The following FRMD4B variants were observed in gnomAD, a reference collection of about 807,000 sequenced individuals.
The protein encoded by FRMD4B is FERM domain-containing protein 4B.
In FRMD4B, 74 loss-of-function variants were observed where a neutral mutation model predicts 141.5. The ratio of observed to expected loss-of-function variants is 0.52; its 90% CI spans 0.43 to 0.63. The LOEUF (loss-of-function observed/expected upper bound fraction) is 0.63, where lower values mean the gene tolerates loss of function less well. FRMD4B is among the 30% of genes least tolerant of loss of function. The pLI, the probability that FRMD4B is intolerant of heterozygous loss-of-function variation, is 0.00. For synonymous variants in FRMD4B, 506 were observed against 467.9 expected (o/e 1.08, Z -1.05); for missense variants, 1,366 against 1,253.4 (o/e 1.09, Z -1.36).
intron 5 of FRMD4B, 51 bp from the exon 6 acceptor site, chr3:69,250,150 T>C (rs376540849): frequency 3.0e-5 from 37 of 1,245,824 alleles, no homozygotes; most frequent in Middle Eastern, 1.9e-4. Context: ...TCCTAGATTG[T>C]AGCAAATGGC....
Position 69,385,945 on chromosome 3 carries a change from G to A in FRMD4B, c.45C>T (p.Ser15=). Residue 15 remains serine, a synonymous_variant, in exon 1 of 23, where the codon AGC becomes AGT. Transcript: ENST00000398540. ...FMCGVEDLLF[S]GSRFVWNLTV... ...TCAAGTTCCATACGAAGCGGCTGCC[G>A]CTGAACAGCAGGTCCTCCACGCCAC... The A allele has an allele frequency of 6.2e-7, 1 of 1,604,814 alleles. No homozygotes were observed.
intron 7 of FRMD4B, among the ~76,000 whole-genome samples, chr3:69,230,711 G>A (rs1182227199): frequency 2.7e-5 from 4 of 150,820 alleles, no homozygotes; most frequent in Admixed American, 6.6e-5. Flanking sequence ...TCGCATCATC[G>A]CACCCCAGCC....
intron 21 of FRMD4B, among the ~76,000 whole-genome samples, chr3:69,180,312 T>C (rs1285128760): frequency 6.6e-6 from 1 of 150,486 alleles, no homozygotes; most frequent in Non-Finnish European, 1.5e-5. Context: ...CCAGCTCCTA[T>C]AAGGATTCTT....
chr3:69,419,126 T>C (rs935801435), intron 2 of FRMD4B, among the ~76,000 whole-genome samples: 5 of 152,106 alleles, frequency 3.3e-5, no homozygotes, highest in African/African-American at 1.2e-4. Flanking sequence ...AGGAAATATA[T>C]GGGAAATAGG....
upstream of FRMD4B, chr3:69,386,214 A>T (rs989136622): frequency 4.2e-6 from 2 of 475,320 alleles, no homozygotes; most frequent in Non-Finnish European, 7.6e-6. Context: ...ACAGAAGCCC[A>T]GTGTCCACCC....
At chr3:69,500,790 C>G (rs1295013140) in intron 1 of FRMD4B, among the ~76,000 whole-genome samples, 1 of 152,046 alleles carries the variant, frequency 6.6e-6, no homozygotes, top group Non-Finnish European at 1.5e-5. Flanking sequence ...CGCCCACGCT[C>G]TCTTTTCTGT....
chr3:69,449,812 C>T lies in FRMD4B; in HGVS notation c.-128-17051G>A, dbSNP rs535457313. Among the ~76,000 whole-genome samples, 11 of 152,184 alleles carry T rather than the reference C, an allele frequency of 7.2e-5. No homozygotes were observed. In the South Asian group the frequency reaches 1.5e-3, roughly 20 times the overall value. ...AAACCCAGAAAAGCACAAAGAAAAA[C>T]TGTTAGACCAATTTTTAACAATTTA... On this transcript the variant is annotated intron_variant, in intron 1 of 5. Coordinates refer to the FRMD4B transcript ENST00000459638.
chr3:69,388,391 C>T (rs1363870957), upstream of FRMD4B, among the ~76,000 whole-genome samples: 1 of 152,138 alleles, frequency 6.6e-6, no homozygotes, highest in Non-Finnish European at 1.5e-5. Context: ...TTAGCATCAC[C>T]TGGGAATTTG....
intron 1 of FRMD4B, among the ~76,000 whole-genome samples, chr3:69,500,078 T>C (rs1248687119): frequency 2.0e-5 from 3 of 152,178 alleles, no homozygotes; most frequent in Non-Finnish European, 2.9e-5. Context: ...CCTGGCCACT[T>C]TGGCTTCTTG....
intron 1 of FRMD4B, among the ~76,000 whole-genome samples, chr3:69,359,799 T>C (rs983475282): frequency 4.6e-5 from 7 of 152,204 alleles, no homozygotes; most frequent in South Asian, 2.1e-4. Context: ...GTGACGCACA[T>C]AAACTTTGTA....
At chr3:69,323,394 C>A (rs1365652441) in intron 1 of FRMD4B, among the ~76,000 whole-genome samples, 4 of 151,380 alleles carry the variant, frequency 2.6e-5, no homozygotes, top group Non-Finnish European at 5.9e-5. Flanking sequence ...TGGTGAAACC[C>A]CCTCTCTACT....
Position 69,414,706 on chromosome 3 carries a change from G to T in FRMD4B, c.-1+17928C>A, listed in dbSNP as rs377670934. ...TATCATGAGAGCTGCATGAGGTCAA[G>T]GGTGTGCCCAGAAAGCAGGCCCAGC... is the stretch of plus-strand genomic sequence containing the variant. On this transcript the variant is annotated intron_variant, in intron 2 of 5. Coordinates refer to the FRMD4B transcript ENST00000459638. 3.9e-5 allele frequency among the ~76,000 whole-genome samples: 6 copies of T among 152,318 alleles called. No individual in the cohort carries two copies. The South Asian group carries it at 1.2e-3, about 32-fold the overall frequency.
chr3:69,236,246 C>T (rs1244622401), intron 7 of FRMD4B, among the ~76,000 whole-genome samples: 17 of 146,638 alleles, frequency 1.2e-4, no homozygotes, highest in African/African-American at 3.3e-4. Context: ...TTTTTTTTTC[C>T]GAGATGGAGT....
intron 1 of FRMD4B, among the ~76,000 whole-genome samples, chr3:69,456,241 T>G (rs962755672): frequency 1.1e-5 from 1 of 88,612 alleles, no homozygotes; most frequent in African/African-American, 5.7e-5. Flanking sequence ...CTCAAAGTGT[T>G]TGCACAAAGT....
At chr3:69,303,832 G>C (rs960707917) in intron 3 of FRMD4B, among the ~76,000 whole-genome samples, 28 of 152,174 alleles carry the variant, frequency 1.8e-4, no homozygotes, top group Non-Finnish European at 4.4e-5. Flanking sequence ...TACTATGGAG[G>C]CTGAAGTGGG....
intron 5 of FRMD4B, among the ~76,000 whole-genome samples, chr3:69,271,074 C>G (rs2093592431): frequency 6.6e-6 from 1 of 151,994 alleles, no homozygotes; most frequent in Non-Finnish European, 1.5e-5. Flanking sequence ...TTTTTTGAGT[C>G]ACAATTTAGC....
At chr3:69,262,459 CTTTT>C (rs71618271) in intron 5 of FRMD4B, among the ~76,000 whole-genome samples, 9 of 86,854 alleles carry the variant, frequency 1.0e-4, no homozygotes, top group African/African-American at 3.7e-4. Context: ...ACACAAATGA[CTTTT>C]TTTTTTTTTT....
chr3:69,437,365 C>G (rs1308801271), intron 1 of FRMD4B, among the ~76,000 whole-genome samples: 1 of 151,294 alleles, frequency 6.6e-6, no homozygotes, highest in Admixed American at 6.6e-5. Context: ...AGCCACTGTG[C>G]CTGGCCAATT....
intron 7 of FRMD4B, among the ~76,000 whole-genome samples, chr3:69,246,942 G>A (rs1217411220): frequency 2.6e-5 from 4 of 152,110 alleles, no homozygotes; most frequent in African/African-American, 9.7e-5. Context: ...TTTGCCTCAG[G>A]CAAGGGATCT....
Sources: gnomAD v4.1 joint callset for allele counts (sites outside exome capture counted in the v4.1 genomes callset) on GRCh38, gnomAD v4.1.1 for gene constraint, MANE v1.5 for transcripts, NCBI Gene and HGNC (gene_info 2026-07-23, HGNC 2026-07-21) for gene names.